TRAPPC9: variants seen among roughly 807,000 people sequenced by gnomAD.
TRAPPC9 encodes the protein trafficking protein particle complex subunit 9, also known as IKK2 binding protein.
In TRAPPC9, 83 loss-of-function variants were observed where a neutral mutation model predicts 124.0. The ratio of observed to expected loss-of-function variants is 0.67; its 90% confidence interval spans 0.56 to 0.80. TRAPPC9 has a LOEUF of 0.80. Among genes scored for constraint, TRAPPC9 ranks in the 30% least tolerant of loss-of-function variants. The pLI is 0.00. For synonymous variants in TRAPPC9, 638 were observed against 617.5 expected (o/e 1.03, Z -0.49); for missense variants, 1,302 against 1,508.3 (o/e 0.86, Z 2.27).
chr8:139,765,611 A>T (rs1274098015), intron 21 of TRAPPC9, among the ~76,000 whole-genome samples: 1 of 152,222 alleles, frequency 6.6e-6, no homozygotes, highest in East Asian at 1.9e-4. Context: ...GGGGCTGGGC[A>T]GGTGAAGTGG....
chr8:139,764,913 G>A (rs750007641), intron 21 of TRAPPC9, among the ~76,000 whole-genome samples: 26 of 152,146 alleles, frequency 1.7e-4, no homozygotes, highest in African/African-American at 3.1e-4. Context: ...TCCCAGAACC[G>A]CACTCCTGTC....
chr8:139,948,360 T>C (rs1013304252), intron 19 of TRAPPC9, among the ~76,000 whole-genome samples: 8 of 152,082 alleles, frequency 5.3e-5, no homozygotes, highest in Admixed American at 1.3e-4. Flanking sequence ...CCCTCCCTTT[T>C]GTTTTTGCCA....
intron 19 of TRAPPC9, among the ~76,000 whole-genome samples, chr8:139,966,550 T>G (rs1835720848): frequency 6.6e-6 from 1 of 152,222 alleles, no homozygotes; most frequent in African/African-American, 2.4e-5. Flanking sequence ...GTCTGTTTCT[T>G]GTGTTAAATG....
chr8:140,090,905 C>T (rs1223236029), intron 17 of TRAPPC9, among the ~76,000 whole-genome samples: 3 of 152,206 alleles, frequency 2.0e-5, no homozygotes, highest in Non-Finnish European at 2.9e-5. Flanking sequence ...CTGGGTGATA[C>T]GTCTTAGCTC....
At chr8:140,280,330 C>T (rs1026251808) in intron 14 of TRAPPC9, among the ~76,000 whole-genome samples, 1 of 152,252 alleles carries the variant, frequency 6.6e-6, no homozygotes, top group Non-Finnish European at 1.5e-5. Flanking sequence ...TTCTAAACAG[C>T]ATGTGCAGGT....
intron 6 of TRAPPC9, among the ~76,000 whole-genome samples, chr8:140,400,948 T>A (rs1286491850): frequency 6.6e-6 from 1 of 152,136 alleles, no homozygotes; most frequent in East Asian, 1.9e-4. Flanking sequence ...TTCCTAGTTA[T>A]CCCAACTGGA....
intron 7 of TRAPPC9, among the ~76,000 whole-genome samples, chr8:140,379,780 GA>G (rs2068549664): frequency 6.6e-6 from 1 of 152,162 alleles, no homozygotes; most frequent in African/African-American, 2.4e-5. Context: ...TCCTACAGAT[GA>G]AATTACCGAT....
chr8:140,379,626 GAATT>G (rs1187671220), intron 7 of TRAPPC9, among the ~76,000 whole-genome samples: 1 of 152,000 alleles, frequency 6.6e-6, no homozygotes, highest in East Asian at 1.9e-4. Context: ...CCTTATAAAA[GAATT>G]ATTTATTGCA....
intron 14 of TRAPPC9, among the ~76,000 whole-genome samples, chr8:140,283,471 T>G (rs2065389189): frequency 6.6e-6 from 1 of 150,562 alleles, no homozygotes; most frequent in Non-Finnish European, 1.5e-5. Flanking sequence ...ATTTTTTTTT[T>G]TATTTTTAGT....
At chr8:140,439,281 C>G in intron 2 of TRAPPC9, 84 bp from the exon 3 acceptor site, 2 of 1,488,656 alleles carry the variant, frequency 1.3e-6, no homozygotes, top group Non-Finnish European at 1.9e-6. Context: ...TCAATTCTCT[C>G]ACTACTAAAA....
At chr8:140,250,366 T>A (rs183076920) in intron 16 of TRAPPC9, among the ~76,000 whole-genome samples, 39 of 152,348 alleles carry the variant, frequency 2.6e-4, no homozygotes, top group Middle Eastern at 3.4e-3. Flanking sequence ...CTGTGAATTT[T>A]TTAAGCGTCA....
chr8:140,055,359 G>T (rs1314273051), intron 17 of TRAPPC9, among the ~76,000 whole-genome samples: 1 of 152,150 alleles, frequency 6.6e-6, no homozygotes, highest in Non-Finnish European at 1.5e-5. Context: ...GGAATGGGAA[G>T]AAATTACCTC....
chr8:140,033,542 T>A lies in TRAPPC9; in HGVS notation c.2557-9463A>T, dbSNP rs745510904. On this transcript the variant is annotated intron_variant, in intron 17 of 22. Coordinates refer to ENST00000438773, the MANE Select transcript of TRAPPC9 (RefSeq NM_001160372.4). ...ACTAAACATCAAAGGAAAAAAAAAA[T>A]TCATTTCCTTTAAGATAAAATTTCA... Among the ~76,000 whole-genome samples, 111 of 151,696 alleles carry A rather than the reference T, an allele frequency of 7.3e-4. 1 individual carries two copies. The highest frequency in any genetic ancestry group is 1.0e-3 in the Non-Finnish European group (68 of 67,934).
intron 19 of TRAPPC9, among the ~76,000 whole-genome samples, chr8:139,976,167 A>G (rs1003393655): frequency 6.6e-5 from 10 of 151,764 alleles, no homozygotes; most frequent in Non-Finnish European, 1.5e-4. Context: ...CTGGGATTAC[A>G]GGCGTGAGCC....
chr8:140,018,132 C>T (rs1563692792), intron 18 of TRAPPC9, among the ~76,000 whole-genome samples: 1 of 152,046 alleles, frequency 6.6e-6, no homozygotes, highest in Non-Finnish European at 1.5e-5. Flanking sequence ...CATGAACCAC[C>T]GTGCCCAGCC....
intron 21 of TRAPPC9, among the ~76,000 whole-genome samples, chr8:139,764,204 G>A (rs1217637211): frequency 1.3e-5 from 2 of 152,146 alleles, no homozygotes; most frequent in African/African-American, 4.8e-5. Context: ...TGGGGTGGGT[G>A]TGCTCGAGAG....
chr8:140,205,736 T>C (rs2062902523), intron 17 of TRAPPC9, among the ~76,000 whole-genome samples: 1 of 152,216 alleles, frequency 6.6e-6, no homozygotes, highest in South Asian at 2.1e-4. Context: ...CTGGGCAACC[T>C]AATTCGAATG....
At chr8:140,070,944 G>A (rs1162581706) in intron 17 of TRAPPC9, among the ~76,000 whole-genome samples, 1 of 152,238 alleles carries the variant, frequency 6.6e-6, no homozygotes, top group Non-Finnish European at 1.5e-5. Context: ...TTGTGAAGCA[G>A]AGGGACGGGG....
chr8:140,027,045 G>GAC (rs140212453), intron 17 of TRAPPC9, among the ~76,000 whole-genome samples: 4 of 152,038 alleles, frequency 2.6e-5, no homozygotes, highest in Non-Finnish European at 4.4e-5. Context: ...GGTGAGACTC[G>GAC]ACACACACAC....
Sources: gnomAD v4.1 joint callset for allele counts (sites outside exome capture counted in the v4.1 genomes callset) on GRCh38, gnomAD v4.1.1 for gene constraint, MANE v1.5 for transcripts, NCBI Gene and HGNC (gene_info 2026-07-23, HGNC 2026-07-21) for gene names.